Variants in PCLO observed in about 807,000 individuals in gnomAD.
PCLO encodes protein piccolo.
In PCLO, 82 loss-of-function variants were observed where a neutral mutation model predicts 427.5. The observed-to-expected ratio is 0.19, with a 90% CI of 0.16 to 0.23. PCLO has a LOEUF of 0.23. Among genes scored for constraint, PCLO ranks in the 10% least tolerant of loss-of-function variants. PCLO has a pLI of 1.00. For synonymous variants in PCLO, 2,357 were observed against 2,155.4 expected, an observed-to-expected ratio of 1.09 and a Z score of -2.59; for missense variants, 6,239 against 6,115.9, an observed-to-expected ratio of 1.02 and a Z score of -0.67.
At chr7:83,079,451 G>GGAAGAA (rs71522644) in intron 3 of PCLO, among the ~76,000 whole-genome samples, 2 of 151,792 alleles carry the variant, frequency 1.3e-5, no homozygotes, top group African/African-American at 2.4e-5. Context: ...GGGAGGAGAA[G>GGAAGAA]GAAGAAGAAG....
Position 82,916,736 on chromosome 7 carries a change from C to T in PCLO, c.11250G>A (p.Arg3750=), listed in dbSNP as rs764731077. Residue 3750 remains arginine (R), a synonymous_variant, in exon 7 of 25, where the codon AGG becomes AGA. Transcript: ENST00000333891. ...FSTMGTVSRR[R]ICRTNTMARA... is the part of the protein sequence containing the mutation. The stretch of plus-strand genomic sequence containing the variant: ...GTGCCATTGTGTTGGTTCTGCAGAT[C>T]CTTCTCCTGGAAACTGTGCCCATTG... 4.2e-5 allele frequency: 67 copies of T among 1,613,526 alleles called. No homozygotes were observed. Among genetic ancestry groups the T allele is most frequent in the Middle Eastern group, 3.3e-4 (2 of 6,082 alleles).
intron 3 of PCLO, among the ~76,000 whole-genome samples, chr7:83,101,825 T>C (rs1790746987): frequency 6.6e-6 from 1 of 152,126 alleles, no homozygotes; most frequent in Admixed American, 6.6e-5. Flanking sequence ...TCCAGAGATA[T>C]TCTGAAATCT....
At chr7:82,963,442 T>C (rs1357691872) in intron 4 of PCLO, among the ~76,000 whole-genome samples, 2 of 150,662 alleles carry the variant, frequency 1.3e-5, no homozygotes, top group Non-Finnish European at 3.0e-5. Context: ...CATAATTGGT[T>C]TCCAATCCAC....
chr7:82,833,632 A>C (rs1792152828), intron 16 of PCLO, among the ~76,000 whole-genome samples: 1 of 152,160 alleles, frequency 6.6e-6, no homozygotes, highest in African/African-American at 2.4e-5. Context: ...AAAGTTGTTT[A>C]ATTTTCTATA....
intron 6 of PCLO, among the ~76,000 whole-genome samples, chr7:82,945,993 G>T (rs1471820996): frequency 2.0e-5 from 3 of 152,196 alleles, no homozygotes; most frequent in Admixed American, 6.5e-5. Context: ...CACGGGTTTA[G>T]TAAGGAGCCA....
At chr7:83,057,202 G>A (rs973992641) in intron 3 of PCLO, among the ~76,000 whole-genome samples, 1 of 147,608 alleles carries the variant, frequency 6.8e-6, no homozygotes, top group Admixed American at 6.9e-5. Flanking sequence ...TTGTGCCTCA[G>A]TCTCCTGAGT....
At chr7:83,096,058 T>C (rs1159193503) in intron 3 of PCLO, among the ~76,000 whole-genome samples, 1 of 152,148 alleles carries the variant, frequency 6.6e-6, no homozygotes, top group Non-Finnish European at 1.5e-5. Flanking sequence ...ATTAATGTTA[T>C]CTAACACACC....
chr7:82,929,107 G>C (rs1399396201), intron 6 of PCLO, among the ~76,000 whole-genome samples: 2 of 152,048 alleles, frequency 1.3e-5, no homozygotes, highest in African/African-American at 4.8e-5. Context: ...AGAAAGGGAA[G>C]TAATTGAGGA....
chr7:83,086,417 C>A (rs2116418687), intron 3 of PCLO, among the ~76,000 whole-genome samples: 1 of 152,052 alleles, frequency 6.6e-6, no homozygotes, highest in East Asian at 1.9e-4. Context: ...CTGACAATTT[C>A]TTTAAATACT....
chr7:83,049,265 G>C (rs1465908831), intron 3 of PCLO, among the ~76,000 whole-genome samples: 1 of 152,100 alleles, frequency 6.6e-6, no homozygotes, highest in Non-Finnish European at 1.5e-5. Context: ...GACCAGCAAG[G>C]CATGATACAA....
chr7:83,160,604 C>G (rs998867947), intron 1 of PCLO, among the ~76,000 whole-genome samples: 1 of 152,040 alleles, frequency 6.6e-6, no homozygotes. Flanking sequence ...GGGCCATACA[C>G]TAACTATTGA....
intron 20 of PCLO, among the ~76,000 whole-genome samples, chr7:82,810,219 A>T (rs1039908438): frequency 2.0e-5 from 3 of 151,644 alleles, no homozygotes; most frequent in Admixed American, 1.3e-4. Context: ...TAATTTCAAA[A>T]TCAAAAATTT....
chr7:82,882,393 T>A (rs1364963529), intron 9 of PCLO, among the ~76,000 whole-genome samples: 1 of 152,144 alleles, frequency 6.6e-6, no homozygotes, highest in Non-Finnish European at 1.5e-5. Flanking sequence ...CAAGATAAGG[T>A]CATCTCTCTG....
At position 82,954,588 on chromosome 7, in the gene PCLO, C is replaced by A; in HGVS notation, c.6365G>T (p.Ser2122Ile). 6.2e-7 allele frequency: 1 copy of A among 1,613,926 alleles called. No homozygotes were observed. Among genetic ancestry groups the A allele is most frequent in the Non-Finnish European group, 8.5e-7 (1 of 1,179,866 alleles). The change falls in exon 5 of 25, where the codon AGT becomes ATT. Residue 2122 changes from serine (S) to isoleucine (I), a missense_variant. Physicochemically the swap from Ser to Ile is moderately radical, Grantham distance 142. Coordinates refer to ENST00000333891, the MANE Select transcript of PCLO (RefSeq NM_033026.6). ...SGASLTDSTS[S>I]ATLSIPDVKI... is the part of the protein sequence containing the mutation. ...AACATCTGGGATAGAGAGTGTTGCA[C>A]TGCTGGTCGAATCTGTAAGAGACGC...
At chr7:82,795,252 C>T (rs961178151) in intron 22 of PCLO, among the ~76,000 whole-genome samples, 2 of 152,096 alleles carry the variant, frequency 1.3e-5, no homozygotes, top group Non-Finnish European at 2.9e-5. Flanking sequence ...TTATAATAAT[C>T]ATTTACTTTA....
At chr7:82,929,411 T>G in intron 6 of PCLO, among the ~76,000 whole-genome samples, 1 of 152,168 alleles carries the variant, frequency 6.6e-6, no homozygotes, top group East Asian at 1.9e-4. Context: ...ACTTAATCTA[T>G]GTTTGCCTAA....
chr7:82,909,588 CCCA>C (rs1229768689), intron 7 of PCLO, among the ~76,000 whole-genome samples: 2 of 152,054 alleles, frequency 1.3e-5, no homozygotes, highest in African/African-American at 4.8e-5. Context: ...CTGTCACTTT[CCCA>C]CCATTACATC....
At chr7:83,068,791 T>C (rs1372817449) in intron 3 of PCLO, among the ~76,000 whole-genome samples, 3 of 152,178 alleles carry the variant, frequency 2.0e-5, no homozygotes, top group Admixed American at 2.0e-4. Flanking sequence ...TCAAAGGAAA[T>C]GAAACCTGTA....
intron 8 of PCLO, among the ~76,000 whole-genome samples, chr7:82,906,413 A>C (rs1794193737): frequency 6.6e-6 from 1 of 152,040 alleles, no homozygotes; most frequent in Non-Finnish European, 1.5e-5. Context: ...ATAACATGAG[A>C]ATGCCATTTT....
Sources: gnomAD v4.1 joint callset for allele counts (sites outside exome capture counted in the v4.1 genomes callset) on GRCh38, gnomAD v4.1.1 for gene constraint, MANE v1.5 for transcripts, NCBI Gene and HGNC (gene_info 2026-07-23, HGNC 2026-07-21) for gene names.